The following DYM variants were observed in gnomAD, a reference collection of about 807,000 sequenced individuals.
DYM encodes dyggve-Melchior-Clausen syndrome protein.
DYM carries 78 observed loss-of-function variants against 93.1 expected under a neutral mutation model. The ratio of observed to expected loss-of-function variants is 0.84; its 90% CI spans 0.70 to 1.01. The LOEUF (loss-of-function observed/expected upper bound fraction) is 1.01, where lower values mean the gene tolerates loss of function less well. DYM is among the 50% of genes least tolerant of loss of function. The pLI, the probability that DYM is intolerant of heterozygous loss-of-function variation, is 0.00. For synonymous variants in DYM, 321 were observed against 319.7 expected (o/e 1.00, Z -0.04); for missense variants, 789 against 845.0 (o/e 0.93, Z 0.82).
intron 2 of DYM, 90 bp downstream of exon 2, chr18:49,430,165 A>G (rs2074673688): frequency 8.2e-7 from 1 of 1,214,190 alleles, no homozygotes; most frequent in Non-Finnish European, 1.2e-6. Context: ...ATAGATAGAC[A>G]GAACATTTCT....
chr18:49,192,298 G>T (rs2091056604), intron 14 of DYM, among the ~76,000 whole-genome samples: 1 of 151,862 alleles, frequency 6.6e-6, no homozygotes, highest in Non-Finnish European at 1.5e-5. Context: ...TCATAGAGTT[G>T]TTTTGAGGAT....
intron 13 of DYM, among the ~76,000 whole-genome samples, chr18:49,224,420 A>G (rs1282298489): frequency 6.6e-6 from 1 of 152,016 alleles, no homozygotes; most frequent in Non-Finnish European, 1.5e-5. Context: ...ATCACCTAGG[A>G]AAAGAGTAGA....
intron 17 of DYM, among the ~76,000 whole-genome samples, chr18:49,084,220 T>C (rs554731186): frequency 1.3e-5 from 2 of 152,220 alleles, no homozygotes; most frequent in Non-Finnish European, 2.9e-5. Flanking sequence ...ATTTTCCTTA[T>C]GACCTATTAA....
At chr18:49,169,147 G>A (rs2088313290) in intron 14 of DYM, among the ~76,000 whole-genome samples, 1 of 152,194 alleles carries the variant, frequency 6.6e-6, no homozygotes, top group South Asian at 2.1e-4. Context: ...CACAGTTTCT[G>A]TCCTGCCTCC....
chr18:49,257,756 G>A (rs2094416906), intron 12 of DYM, among the ~76,000 whole-genome samples: 1 of 151,924 alleles, frequency 6.6e-6, no homozygotes, highest in African/African-American at 2.4e-5. Flanking sequence ...ACTGAGGCAA[G>A]AGGATCACTT....
intron 15 of DYM, among the ~76,000 whole-genome samples, chr18:49,139,566 C>G (rs2084227569): frequency 6.6e-6 from 1 of 151,994 alleles, no homozygotes; most frequent in Non-Finnish European, 1.5e-5. Context: ...GAAACAAAAC[C>G]AAGAATTAAC....
At chr18:49,442,667 C>CAAT (rs145185363) in intron 1 of DYM, among the ~76,000 whole-genome samples, 13,864 of 151,994 alleles carry the variant, frequency 0.091, 845 homozygotes, top group East Asian at 0.31. Context: ...AAAACAGTAA[C>CAAT]AATAATACCA....
intron 16 of DYM, among the ~76,000 whole-genome samples, chr18:49,102,500 T>C (rs1421275641): frequency 1.3e-5 from 2 of 152,164 alleles, no homozygotes; most frequent in Admixed American, 1.3e-4. Flanking sequence ...TGTGCCATGT[T>C]TGTGTGCTGC....
At chr18:49,343,202 T>C (rs1568285215) in intron 6 of DYM, among the ~76,000 whole-genome samples, 1 of 152,136 alleles carries the variant, frequency 6.6e-6, no homozygotes, top group Non-Finnish European at 1.5e-5. Context: ...CCACTAAGAA[T>C]AAAACTCGGA....
At chr18:49,427,068 G>A (rs539818591) in intron 2 of DYM, among the ~76,000 whole-genome samples, 1 of 152,170 alleles carries the variant, frequency 6.6e-6, no homozygotes, top group South Asian at 2.1e-4. Context: ...TTATAAAACA[G>A]GTGATTCAGG....
intron 8 of DYM, among the ~76,000 whole-genome samples, chr18:49,330,441 A>G (rs1445333033): frequency 2.0e-5 from 3 of 152,306 alleles, no homozygotes; most frequent in East Asian, 1.9e-4. Context: ...GAAAAGATCT[A>G]AAGTTAAATT....
At chr18:49,370,639 G>A (rs1056154397) in intron 5 of DYM, among the ~76,000 whole-genome samples, 4 of 151,940 alleles carry the variant, frequency 2.6e-5, no homozygotes, top group African/African-American at 4.8e-5. Context: ...GGTGGCATGC[G>A]CCTGTGATTC....
intron 17 of DYM, among the ~76,000 whole-genome samples, chr18:49,091,088 G>A (rs2079004496): frequency 2.0e-5 from 3 of 152,110 alleles, no homozygotes; most frequent in Non-Finnish European, 2.9e-5. Context: ...TTCAAAGAAT[G>A]TTTTCTTGAA....
At chr18:49,145,131 A>ATATATATATATATATATATG (rs1568490471) in intron 15 of DYM, among the ~76,000 whole-genome samples, 1 of 116,938 alleles carries the variant, frequency 8.6e-6, no homozygotes, top group Non-Finnish European at 1.7e-5. Flanking sequence ...ATATATATAT[A>ATATATATATATATATATATG]TATAATTTAT....
intron 8 of DYM, among the ~76,000 whole-genome samples, chr18:49,319,756 A>C (rs1182290803): frequency 6.6e-6 from 1 of 152,170 alleles, no homozygotes; most frequent in Non-Finnish European, 1.5e-5. Flanking sequence ...GACCTTTCTG[A>C]TGCCAAAAGT....
chr18:49,393,005 A>G (rs1279969277), intron 2 of DYM, among the ~76,000 whole-genome samples: 2 of 128,288 alleles, frequency 1.6e-5, no homozygotes, highest in Admixed American at 1.8e-4. Context: ...AAAAAAAAAA[A>G]AAGAAGAAGA....
At chr18:49,292,004 T>C (rs952956965) in intron 8 of DYM, among the ~76,000 whole-genome samples, 1 of 152,122 alleles carries the variant, frequency 6.6e-6, no homozygotes, top group Non-Finnish European at 1.5e-5. Context: ...TTCAGAGCAA[T>C]GAGAAACACA....
chr18:49,255,119 C>T (rs918615245), intron 13 of DYM, among the ~76,000 whole-genome samples: 3 of 152,102 alleles, frequency 2.0e-5, no homozygotes, highest in Non-Finnish European at 2.9e-5. Context: ...TGAAGATAAA[C>T]AGACAACTTA....
chr18:49,047,884 C>G (rs773058592), intron 17 of DYM, among the ~76,000 whole-genome samples: 25 of 152,176 alleles, frequency 1.6e-4, no homozygotes, highest in Admixed American at 2.6e-4. Context: ...ATACATCATG[C>G]CGTCTGAAGC....
Sources: allele counts gnomAD v4.1 joint callset (sites outside exome capture counted in the v4.1 genomes callset), GRCh38; gene constraint gnomAD v4.1.1; transcripts MANE v1.5; gene names NCBI Gene and HGNC (gene_info 2026-07-23, HGNC 2026-07-21).